CRTAC1: variants seen among roughly 807,000 people sequenced by gnomAD.
The protein encoded by CRTAC1 is acidic secreted protein in cartilage.
A neutral mutation model predicts 67.8 loss-of-function variants in CRTAC1; 37 were observed. That is an observed-to-expected ratio of 0.55 (90% CI 0.42 to 0.72). The LOEUF (loss-of-function observed/expected upper bound fraction) is 0.72. Among genes scored for constraint, CRTAC1 ranks in the 30% least tolerant of loss-of-function variants. The pLI is 0.00. For missense variants in CRTAC1, 780 were observed against 931.6 expected (o/e 0.84, Z 2.12); for synonymous variants, 348 against 371.0 (o/e 0.94, Z 0.71).
intron 2 of CRTAC1, among the ~76,000 whole-genome samples, chr10:97,981,580 T>C (rs2051892303): frequency 6.6e-6 from 1 of 152,254 alleles, no homozygotes. Flanking sequence ...CTCTTATAAA[T>C]ATGCACAACA....
chr10:97,865,576 A>C lies in CRTAC1; in HGVS notation c.1958T>G (p.Val653Gly). 1 of 1,611,972 alleles carries C rather than the reference A, an allele frequency of 6.2e-7. No individual in the cohort carries two copies. The highest frequency in any genetic ancestry group is 8.5e-7 in the Non-Finnish European group (1 of 1,178,436). ...VDGDLNLGSVVKESCEPSC is the reference protein window; with the variant it reads ...VDGDLNLGSVGKESCEPSC The stretch of plus-strand genomic sequence containing the variant: ...GCAGCTGGGCTCGCAGCTCTCCTTA[A>C]CCACCGACCCCAGATTGAGATCTCC... The change falls in exon 15 of 15, where the codon GTT becomes GGT. Residue 653 changes from valine (V) to glycine (G), a missense_variant. By Grantham distance (109) the Val-to-Gly change is moderately radical. Coordinates refer to ENST00000370597, the MANE Select transcript of CRTAC1 (RefSeq NM_018058.7).
At chr10:97,944,315 C>T (rs1212952597) in intron 2 of CRTAC1, among the ~76,000 whole-genome samples, 2 of 152,002 alleles carry the variant, frequency 1.3e-5, no homozygotes, top group Non-Finnish European at 2.9e-5. Flanking sequence ...CCCTGTAATC[C>T]CAGCTACTTG....
intron 2 of CRTAC1, among the ~76,000 whole-genome samples, chr10:97,936,849 G>C (rs2051097678): frequency 6.6e-6 from 1 of 152,228 alleles, no homozygotes; most frequent in Admixed American, 6.5e-5. Context: ...GCTCAGAGAG[G>C]CTGAATGCCC....
intron 2 of CRTAC1, among the ~76,000 whole-genome samples, chr10:98,002,849 G>A (rs970402642): frequency 1.2e-4 from 15 of 120,282 alleles, no homozygotes; most frequent in Admixed American, 3.6e-4. Flanking sequence ...TGCAATCTCC[G>A]TTCACTGCAA....
rs766224328 is a variant in CRTAC1 at position 97,895,209 on chromosome 10, T to A, written c.1486+36A>T. 10 of 1,595,208 alleles carry A rather than the reference T, an allele frequency of 6.3e-6. No individual in the cohort carries two copies. In the Admixed American group the frequency reaches 6.7e-5, roughly 11 times the overall value. On this transcript the variant is annotated intron_variant, in intron 11 of 14. Transcript: ENST00000370597. The surrounding 1 kb of genome is among the most constrained non-coding windows in gnomAD (Gnocchi z 4.2). The stretch of plus-strand genomic sequence containing the variant: ...GTCCCTGAATCAGTCAGCATCCTGA[T>A]AACAGCTCACTGTCCCCCACCGGAC...
chr10:97,968,491 G>A (rs753883956), intron 2 of CRTAC1, among the ~76,000 whole-genome samples: 3 of 152,076 alleles, frequency 2.0e-5, no homozygotes, highest in Non-Finnish European at 4.4e-5. Context: ...TGATCTGCCC[G>A]CCTCCCAAAG....
chr10:97,998,527 T>C (rs1842628416), intron 2 of CRTAC1, among the ~76,000 whole-genome samples: 1 of 152,166 alleles, frequency 6.6e-6, no homozygotes, highest in African/African-American at 2.4e-5. Context: ...AGCCATCAAC[T>C]TGAAATTGTG....
Position 97,937,039 on chromosome 10 carries a change from T to C in CRTAC1, c.225-673A>G, listed in dbSNP as rs7078486. Among the ~76,000 whole-genome samples the C allele has an allele frequency of 4.1e-3, 627 of 152,332 alleles. 3 individuals are homozygous for C. Among genetic ancestry groups the C allele is most frequent in the African/African-American group, 0.014 (567 of 41,578 alleles). On this transcript the variant is annotated intron_variant, in intron 2 of 14. Transcript: ENST00000370597. Reference sequence around the variant, plus strand: ...TGCATTTAAACAAAAGGATGAAGTTTGCATCTCAGATGGGAGAACATGAAC... The same window carrying C: ...TGCATTTAAACAAAAGGATGAAGTTCGCATCTCAGATGGGAGAACATGAAC...
chr10:97,996,264 A>G (rs1476359409), intron 2 of CRTAC1, among the ~76,000 whole-genome samples: 1 of 151,648 alleles, frequency 6.6e-6, no homozygotes, highest in East Asian at 1.9e-4. Flanking sequence ...GCTTCTGCAC[A>G]GCAAAAGAAA....
intron 2 of CRTAC1, among the ~76,000 whole-genome samples, chr10:97,993,978 TC>T (rs1285377935): frequency 2.0e-5 from 3 of 152,112 alleles, no homozygotes; most frequent in Non-Finnish European, 4.4e-5. Flanking sequence ...TGCCTCAGCC[TC>T]CCAAGTAGCT....
At chr10:97,918,778 G>A (rs534602771) in intron 4 of CRTAC1, among the ~76,000 whole-genome samples, 30 of 127,482 alleles carry the variant, frequency 2.4e-4, no homozygotes, top group African/African-American at 7.7e-4. Flanking sequence ...ATCTTTGTGG[G>A]TTTTTTGGTG....
chr10:98,007,464 T>A (rs1842814059), intron 2 of CRTAC1, among the ~76,000 whole-genome samples: 1 of 152,228 alleles, frequency 6.6e-6, no homozygotes, highest in Non-Finnish European at 1.5e-5. Context: ...TCTGATGCGC[T>A]GAGAATTCGC....
chr10:97,877,309 C>T (rs1488463567), intron 14 of CRTAC1, among the ~76,000 whole-genome samples: 2 of 152,328 alleles, frequency 1.3e-5, no homozygotes, highest in South Asian at 2.1e-4. Context: ...GGGAAGGCAG[C>T]GTAGGGGTGG....
chr10:97,991,669 A>G (rs1842460239), intron 2 of CRTAC1, among the ~76,000 whole-genome samples: 1 of 152,178 alleles, frequency 6.6e-6, no homozygotes, highest in Non-Finnish European at 1.5e-5. Context: ...CTTCACCACA[A>G]TGGTAGGAAG....
rs1049142978 is a variant in CRTAC1 at position 98,030,214 on chromosome 10, C to T, written c.24+235G>A. Among the ~76,000 whole-genome samples the T allele has an allele frequency of 6.6e-6, 1 of 152,098 alleles. No homozygotes were observed. The highest frequency in any genetic ancestry group is 1.5e-5 in the Non-Finnish European group (1 of 67,978). On this transcript the variant is annotated intron_variant, in intron 1 of 14. Transcript: ENST00000370597. The surrounding 1 kb of genome is among the most constrained non-coding windows in gnomAD (Gnocchi z 4.2). ...CCCCACACATCAGCTCCCACCTCTC[C>T]GCCACCTCCAACCCGGCCGCCGCCT... is the stretch of plus-strand genomic sequence containing the variant.
At chr10:97,921,005 G>GGA (rs890706400) in intron 4 of CRTAC1, among the ~76,000 whole-genome samples, 1 of 152,024 alleles carries the variant, frequency 6.6e-6, no homozygotes, top group African/African-American at 2.4e-5. Flanking sequence ...GGGTGGAAGG[G>GGA]GAGAGAGAGA....
intron 1 of CRTAC1, among the ~76,000 whole-genome samples, chr10:98,025,819 C>T (rs939385756): frequency 2.0e-5 from 3 of 152,184 alleles, no homozygotes; most frequent in Non-Finnish European, 2.9e-5. Context: ...GCAGAAAGAT[C>T]CTTCCTTAGG....
At chr10:97,973,503 G>A (rs2051748551) in intron 2 of CRTAC1, among the ~76,000 whole-genome samples, 1 of 151,900 alleles carries the variant, frequency 6.6e-6, no homozygotes, top group Non-Finnish European at 1.5e-5. Flanking sequence ...AAGGAGCAGA[G>A]CAGCCTCTGC....
At chr10:98,008,267 A>G (rs1842833778) in intron 2 of CRTAC1, among the ~76,000 whole-genome samples, 1 of 152,208 alleles carries the variant, frequency 6.6e-6, no homozygotes, top group South Asian at 2.1e-4. Context: ...CATGCCTTTG[A>G]GAGAGATGCT....
Sources: allele counts gnomAD v4.1 joint callset (sites outside exome capture counted in the v4.1 genomes callset), GRCh38; gene constraint gnomAD v4.1.1; non-coding constraint Gnocchi (gnomAD v3.1); transcripts MANE v1.5; gene names NCBI Gene and HGNC (gene_info 2026-07-23, HGNC 2026-07-21).